The following PRKD1 variants were observed in gnomAD, a reference collection of about 807,000 sequenced individuals.
PRKD1 encodes protein kinase D1.
Under a neutral mutation model 95.9 loss-of-function variants are expected in PRKD1, and 63 were observed. That is an observed-to-expected ratio of 0.66 (90% confidence interval 0.54 to 0.81). The LOEUF (loss-of-function observed/expected upper bound fraction) is 0.81, where lower values mean the gene tolerates loss of function less well. Ranked by LOEUF, PRKD1 falls within the 30% of genes least tolerant of loss-of-function variation. The pLI is 0.00. For synonymous variants in PRKD1, 425 were observed against 423.1 expected (o/e 1.00, Z -0.05); for missense variants, 1,048 against 1,165.3 (o/e 0.90, Z 1.47).
chr14:29,716,740 G>A (rs749374236), intron 2 of PRKD1, among the ~76,000 whole-genome samples: 1 of 152,324 alleles, frequency 6.6e-6, no homozygotes, highest in Non-Finnish European at 1.5e-5. Context: ...GAAGAAAAGA[G>A]CAATGGTTGG....
At chr14:29,677,607 CCT>C (rs1299181320) in intron 2 of PRKD1, among the ~76,000 whole-genome samples, 5 of 152,162 alleles carry the variant, frequency 3.3e-5, no homozygotes, top group African/African-American at 1.2e-4. Flanking sequence ...ACAGGATCTC[CCT>C]CTGTCACCCA....
chr14:29,700,963 TAC>T (rs1470256525), intron 2 of PRKD1, among the ~76,000 whole-genome samples: 1 of 48,262 alleles, frequency 2.1e-5, no homozygotes, highest in Non-Finnish European at 4.1e-5. Flanking sequence ...CATTTGTGTG[TAC>T]GCGTGCGCAT....
At chr14:29,870,669 G>A (rs577034015) in intron 1 of PRKD1, among the ~76,000 whole-genome samples, 2 of 152,114 alleles carry the variant, frequency 1.3e-5, no homozygotes, top group Non-Finnish European at 2.9e-5. Context: ...AATCACATAT[G>A]TTTGTAATTT....
At chr14:29,586,263 G>C (rs1566467785) in intron 16 of PRKD1, among the ~76,000 whole-genome samples, 1 of 152,200 alleles carries the variant, frequency 6.6e-6, no homozygotes, top group African/African-American at 2.4e-5. Flanking sequence ...GGAATGCAGA[G>C]ATAGAAGGGT....
chr14:29,649,214 T>A (rs913256993), intron 4 of PRKD1, among the ~76,000 whole-genome samples: 1 of 152,156 alleles, frequency 6.6e-6, no homozygotes, highest in African/African-American at 2.4e-5. Context: ...TTGATTGTTT[T>A]TTCACAGGTG....
chr14:29,674,991 A>G (rs952108299), intron 2 of PRKD1, among the ~76,000 whole-genome samples: 1 of 152,254 alleles, frequency 6.6e-6, no homozygotes, highest in Non-Finnish European at 1.5e-5. Context: ...CTGTGAAATA[A>G]TCAGGGTATA....
At chr14:29,749,503 A>G (rs1887380826) in intron 1 of PRKD1, among the ~76,000 whole-genome samples, 1 of 152,166 alleles carries the variant, frequency 6.6e-6, no homozygotes, top group African/African-American at 2.4e-5. Context: ...CTCCAACCAC[A>G]GCACAGTCAC....
intron 13 of PRKD1, among the ~76,000 whole-genome samples, chr14:29,620,320 C>A (rs1306907037): frequency 1.3e-5 from 2 of 151,632 alleles, no homozygotes; most frequent in East Asian, 1.9e-4. Context: ...CCAAAATTGA[C>A]AAATGGGATA....
At chr14:29,855,459 G>A (rs2139347439) in intron 1 of PRKD1, among the ~76,000 whole-genome samples, 1 of 152,280 alleles carries the variant, frequency 6.6e-6, no homozygotes, top group East Asian at 1.9e-4. Flanking sequence ...TGGAAGAGCT[G>A]TATTTACCCA....
intron 1 of PRKD1, among the ~76,000 whole-genome samples, chr14:29,777,263 A>T (rs1888806942): frequency 6.6e-6 from 1 of 152,346 alleles, no homozygotes; most frequent in Non-Finnish European, 1.5e-5. Context: ...CAGCTAAATC[A>T]TAATGACAAG....
At position 29,927,480 on chromosome 14, in the gene PRKD1, A is replaced by G. The variant is rs1206126374; in HGVS notation, c.33T>C (p.Ser11=). The change falls in exon 1 of 18, where the codon AGT becomes AGC. Residue 11 remains serine (S), a synonymous_variant. Transcript: ENST00000331968. Reference sequence around the variant, plus strand: ...CTGCCGCCGCCACGGGCAGCAGCGGACTGGGCGGCCGCAGGACCGGAGGGG... The same window carrying G: ...CTGCCGCCGCCACGGGCAGCAGCGGGCTGGGCGGCCGCAGGACCGGAGGGG... MSAPPVLRPP[S]PLLPVAAAAA... 4.0e-6 allele frequency: 5 copies of G among 1,248,208 alleles called. No homozygotes were observed. The East Asian group carries it at 1.4e-4, about 34-fold the overall frequency. The allele number at this position is 1,248,208 out of a possible 1,614,324, so 77.3% of individuals were successfully genotyped here.
At chr14:29,643,162 G>T (rs576652171) in intron 4 of PRKD1, among the ~76,000 whole-genome samples, 1 of 151,808 alleles carries the variant, frequency 6.6e-6, no homozygotes, top group African/African-American at 2.4e-5. Flanking sequence ...TGGATCTTTT[G>T]TAAGAATTGA....
intron 2 of PRKD1, among the ~76,000 whole-genome samples, chr14:29,680,032 G>A (rs984413900): frequency 5.3e-5 from 8 of 152,190 alleles, no homozygotes; most frequent in African/African-American, 1.9e-4. Flanking sequence ...CATTGCAAAG[G>A]AAGGTTAATG....
At chr14:29,684,071 G>A (rs141026184) in intron 2 of PRKD1, among the ~76,000 whole-genome samples, 2 of 151,920 alleles carry the variant, frequency 1.3e-5, no homozygotes, top group African/African-American at 4.8e-5. Context: ...AACCAGCCCT[G>A]AGAGTCTAGT....
chr14:29,834,767 G>T (rs756995590), intron 1 of PRKD1, among the ~76,000 whole-genome samples: 3 of 151,944 alleles, frequency 2.0e-5, no homozygotes, highest in Non-Finnish European at 4.4e-5. Context: ...ATCTCATTTT[G>T]TGCTTACACA....
intron 4 of PRKD1, among the ~76,000 whole-genome samples, chr14:29,653,866 T>C (rs1044609076): frequency 5.3e-5 from 8 of 152,018 alleles, no homozygotes; most frequent in Non-Finnish European, 1.5e-5. Context: ...GAAATACAAA[T>C]GGCCAATTAA....
intron 1 of PRKD1, among the ~76,000 whole-genome samples, chr14:29,832,207 C>T (rs973314737): frequency 1.3e-5 from 2 of 152,122 alleles, no homozygotes; most frequent in African/African-American, 4.8e-5. Flanking sequence ...CCCACCCCAC[C>T]ACCACCACCA....
intron 1 of PRKD1, among the ~76,000 whole-genome samples, chr14:29,898,497 T>G (rs1443394075): frequency 6.6e-6 from 1 of 152,200 alleles, no homozygotes; most frequent in Non-Finnish European, 1.5e-5. Context: ...AATAAATAAA[T>G]TCCAACATTA....
chr14:29,852,119 C>T lies in PRKD1; in HGVS notation c.264+75130G>A, dbSNP rs562291742. Among the ~76,000 whole-genome samples the T allele has an allele frequency of 3.3e-5, 5 of 152,174 alleles. No homozygotes were observed. The South Asian group carries it at 8.3e-4, about 25-fold the overall frequency. On this transcript the variant is annotated intron_variant, in intron 1 of 17. Coordinates refer to ENST00000331968, the MANE Select transcript of PRKD1 (RefSeq NM_002742.3). The stretch of plus-strand genomic sequence containing the variant: ...GAGAGAAACAAGGGTTTAAAAACTA[C>T]CTAGTGGGTACTATGTTCACTGCCC...
Sources: allele counts gnomAD v4.1 joint callset (sites outside exome capture counted in the v4.1 genomes callset), GRCh38; gene constraint gnomAD v4.1.1; transcripts MANE v1.5; gene names NCBI Gene and HGNC (gene_info 2026-07-23, HGNC 2026-07-21).